Variants in MESP1 observed in about 807,000 individuals in gnomAD.
MESP1 encodes mesoderm posterior bHLH transcription factor 1.
A neutral mutation model predicts 15.2 loss-of-function variants in MESP1; 22 were observed. That is an observed-to-expected ratio of 1.45 (90% CI 1.04 to 2.07). The LOEUF (loss-of-function observed/expected upper bound fraction) is 2.07. MESP1 is among the 30% of genes most tolerant of loss of function. The pLI is 0.00. For synonymous variants in MESP1, 216 were observed against 192.6 expected, an observed-to-expected ratio of 1.12 and a Z score of -1.01; for missense variants, 484 against 411.9, an observed-to-expected ratio of 1.17 and a Z score of -1.51.
chr15:89,741,062 C>T, the MESP1 span, among the ~76,000 whole-genome samples: 1 of 152,036 alleles, frequency 6.6e-6, no homozygotes, highest in African/African-American at 2.4e-5. Context: ...ATTGCTTGAA[C>T]TCAGGAGGTG....
Position 89,750,067 on chromosome 15 carries a change from T to A in MESP1, c.*77A>T. ...CCGTGCCCTCTTCCAGGAAAGGCAG[T>A]CTGCCAAGGAACCACTTCGAAGGTG... On this transcript the variant is annotated 3_prime_UTR_variant, in exon 2 of 2. Coordinates refer to ENST00000300057, the MANE Select transcript of MESP1 (RefSeq NM_018670.4). The A allele has an allele frequency of 7.2e-7, 1 of 1,381,736 alleles. No homozygotes were observed. The highest frequency in any genetic ancestry group is 1.7e-5 in the Admixed American group (1 of 59,446). The allele number at this position is 1,381,736 out of a possible 1,614,324, so 85.6% of individuals were successfully genotyped here.
the MESP1 span, among the ~76,000 whole-genome samples, chr15:89,741,277 C>T: frequency 2.0e-5 from 3 of 152,188 alleles, no homozygotes; most frequent in Non-Finnish European, 4.4e-5. Context: ...GTCATCCAGG[C>T]TGGAGTGCAG....
At position 89,750,079 on chromosome 15, in the gene MESP1, C is replaced by A. The variant is rs771958657; in HGVS notation, c.*65G>T. ...CCAGGAAAGGCAGTCTGCCAAGGAA[C>A]CACTTCGAAGGTGCTGAGGCCAAAA... On this transcript the variant is annotated 3_prime_UTR_variant, in exon 2 of 2. Transcript: ENST00000300057. 3 of 1,462,802 alleles carry A rather than the reference C, an allele frequency of 2.1e-6. No individual in the cohort carries two copies. Among genetic ancestry groups the A allele is most frequent in the Non-Finnish European group, 9.6e-7 (1 of 1,043,042 alleles). The allele number at this position is 1,462,802 out of a possible 1,614,324, so 90.6% of individuals were successfully genotyped here.
At chr15:89,739,992 C>T in the MESP1 span, among the ~76,000 whole-genome samples, 1 of 152,144 alleles carries the variant, frequency 6.6e-6, no homozygotes, top group African/African-American at 2.4e-5. Context: ...ACAATGAGAC[C>T]TTGGGCGAGT....
chr15:89,740,285 CAG>C, the MESP1 span, among the ~76,000 whole-genome samples: 12 of 152,154 alleles, frequency 7.9e-5, no homozygotes, highest in African/African-American at 2.9e-4. Context: ...CTGCACTTAA[CAG>C]GGGCGTTCAA....
chr15:89,751,127 G>T lies in MESP1; in HGVS notation c.105C>A (p.Ser35=). The change falls in exon 1 of 2, where the codon TCC becomes TCA. Residue 35 remains serine, a synonymous_variant. Coordinates refer to ENST00000300057, the MANE Select transcript of MESP1 (RefSeq NM_018670.4). ...PPPSDKDCGR[S]LVSSPDSWGS... ...CCCATGAGTCTGGGGACGAGACGAGGGAGCGGCCGCAGTCCTTGTCGGAGG... is the reference window on the plus strand; with the variant it reads ...CCCATGAGTCTGGGGACGAGACGAGTGAGCGGCCGCAGTCCTTGTCGGAGG... The T allele has an allele frequency of 7.8e-7, 1 of 1,281,418 alleles. No individual in the cohort carries two copies. The highest frequency in any genetic ancestry group is 2.9e-5 in the East Asian group (1 of 33,916). 79.4% of individuals were successfully genotyped at this position (1,281,418 alleles called of 1,614,324 possible). A position where few individuals can be genotyped will look rare whatever the true frequency, so the allele number is the denominator to read the frequency against.
At chr15:89,736,049 A>C in the MESP1 span, among the ~76,000 whole-genome samples, 2 of 152,192 alleles carry the variant, frequency 1.3e-5, no homozygotes, top group African/African-American at 4.8e-5. Flanking sequence ...GGGCCAGACC[A>C]TGGAAGGTCC....
the MESP1 span, among the ~76,000 whole-genome samples, chr15:89,734,415 T>G: frequency 6.6e-6 from 1 of 152,180 alleles, no homozygotes; most frequent in Admixed American, 6.5e-5. Context: ...TGGTCTCTCC[T>G]GCAGACTAGT....
In MESP1 at chr15:89,750,964, G is replaced by C; in HGVS notation, c.268C>G (p.Arg90Gly). 7.0e-7 allele frequency: 1 copy of C among 1,437,060 alleles called. No individual in the cohort carries two copies. Among genetic ancestry groups the C allele is most frequent in the African/African-American group, 1.5e-5 (1 of 67,756 alleles). 89.0% of individuals were successfully genotyped at this position (1,437,060 alleles called of 1,614,324 possible). A position where few individuals can be genotyped will look rare whatever the true frequency, so the allele number is the denominator to read the frequency against. ...AGCGTGCGCATGCGCAGTTTCTCCC[G>C]CTCACTGGCGCTCTGCCTCTGCCCG... Reference protein sequence around the residue: ...GSGQRQSASEREKLRMRTLAR... With the variant: ...GSGQRQSASEGEKLRMRTLAR... Residue 90 changes from arginine (R) to glycine (G), a missense_variant, in exon 1 of 2, where the codon CGG becomes GGG. Coordinates refer to ENST00000300057, the MANE Select transcript of MESP1 (RefSeq NM_018670.4).
chr15:89,735,483 C>T, the MESP1 span: 6 of 1,613,964 alleles, frequency 3.7e-6, no homozygotes, highest in Non-Finnish European at 4.2e-6. Context: ...TATTTTCTGT[C>T]CTATAGGCCT....
Position 89,750,132 on chromosome 15 carries a change from A to G in MESP1, c.*12T>C, listed in dbSNP as rs772172611. 6.2e-7 allele frequency: 1 copy of G among 1,613,398 alleles called. No individual in the cohort carries two copies. The highest frequency in any genetic ancestry group is 1.7e-5 in the Admixed American group (1 of 60,034). The stretch of plus-strand genomic sequence containing the variant: ...CCTCGGTGCTCACAGAGACGGCGTC[A>G]GTTGTCCCTTGTCACTTGGGCTCCT... On this transcript the variant is annotated 3_prime_UTR_variant, in exon 2 of 2. Transcript: ENST00000300057.
At chr15:89,737,493 A>C in the MESP1 span, 1 of 1,561,772 alleles carries the variant, frequency 6.4e-7, no homozygotes, top group Non-Finnish European at 8.7e-7. Flanking sequence ...CTCATTCCTT[A>C]CTGGGGTGAC....
At chr15:89,746,623 CCA>C (rs1186928980), downstream of MESP1, among the ~76,000 whole-genome samples, 2 of 141,328 alleles carry the variant, frequency 1.4e-5, no homozygotes, top group Non-Finnish European at 3.1e-5. Context: ...AGCTCCGCCT[CCA>C]CACACAGAGA....
chr15:89,749,554 T>A, downstream of MESP1: 1 of 152,956 alleles, frequency 6.5e-6, no homozygotes, highest in East Asian at 1.9e-4. Flanking sequence ...GTACCTGATG[T>A]ACATACAATA....
At chr15:89,735,068 G>A in the MESP1 span, among the ~76,000 whole-genome samples, 13 of 141,430 alleles carry the variant, frequency 9.2e-5, no homozygotes, top group African/African-American at 3.2e-4. Context: ...TTTTGTTTGA[G>A]ACACGGTCTC....
chr15:89,743,169 C>T, the MESP1 span: 29 of 888,960 alleles, frequency 3.3e-5, no homozygotes, highest in Middle Eastern at 4.5e-4. Flanking sequence ...GACACAGAGG[C>T]GATGCAGGTG....
chr15:89,748,728 G>A (rs917180344), downstream of MESP1: 1 of 152,216 alleles, frequency 6.6e-6, no homozygotes, highest in Admixed American at 6.5e-5. Flanking sequence ...GAGACTAGAA[G>A]AGTGAGTGCC....
At chr15:89,734,091 T>C in the MESP1 span, among the ~76,000 whole-genome samples, 1 of 152,160 alleles carries the variant, frequency 6.6e-6, no homozygotes, top group South Asian at 2.1e-4. Flanking sequence ...TGGAAATCGA[T>C]AATCTCCAGT....
the MESP1 span, among the ~76,000 whole-genome samples, chr15:89,733,974 A>T: frequency 6.6e-6 from 1 of 151,990 alleles, no homozygotes; most frequent in Non-Finnish European, 1.5e-5. Context: ...TACCTAATGC[A>T]TGCAAATGAA....
Sources: gnomAD v4.1 joint callset for allele counts (sites outside exome capture counted in the v4.1 genomes callset) on GRCh38, gnomAD v4.1.1 for gene constraint, MANE v1.5 for transcripts, NCBI Gene and HGNC (gene_info 2026-07-23, HGNC 2026-07-21) for gene names.